The following METTL25 variants were observed in gnomAD, a reference collection of about 807,000 sequenced individuals.
METTL25 encodes the protein probable methyltransferase-like protein 25.
A neutral mutation model predicts 71.6 loss-of-function variants in METTL25; 64 were observed. The observed-to-expected ratio is 0.89, with a 90% CI of 0.73 to 1.10. METTL25 has a LOEUF of 1.10. METTL25 is among the 50% of genes least tolerant of loss of function. METTL25 has a pLI of 0.00. For synonymous variants in METTL25, 287 were observed against 250.3 expected (o/e 1.15, Z -1.38); for missense variants, 807 against 707.0 (o/e 1.14, Z -1.60).
chr12:82,409,824 A>C (rs546642650), intron 5 of METTL25, among the ~76,000 whole-genome samples: 1 of 152,236 alleles, frequency 6.6e-6, no homozygotes, highest in East Asian at 1.9e-4. Flanking sequence ...TTTACTTAAA[A>C]AAAATAAAAA....
At position 82,358,771 on chromosome 12, in the gene METTL25, C is replaced by T. The variant is rs1379692002; in HGVS notation, c.206C>T (p.Thr69Met). The T allele has an allele frequency of 6.2e-7, 1 of 1,613,212 alleles. No individual in the cohort carries two copies. Among genetic ancestry groups the T allele is most frequent in the East Asian group, 2.2e-5 (1 of 44,848 alleles). Residue 69 changes from threonine to methionine, a missense_variant, in exon 1 of 12, where the codon ACG becomes ATG. Physicochemically the swap from Thr to Met is moderately conservative, Grantham distance 81 (BLOSUM62 -1). Coordinates refer to ENST00000248306, the MANE Select transcript of METTL25 (RefSeq NM_032230.3). Reference protein sequence around the residue: ...LAALRKSASETEALPSETRPL... With the variant: ...LAALRKSASEMEALPSETRPL... ...GCGCTGAGGAAGTCAGCGTCGGAGA[C>T]GGAGGCCCTGCCCTCAGAGACGCGC...
At chr12:82,454,626 A>G (rs1891358304) in intron 8 of METTL25, among the ~76,000 whole-genome samples, 1 of 152,008 alleles carries the variant, frequency 6.6e-6, no homozygotes, top group African/African-American at 2.4e-5. Flanking sequence ...CTACAGTAAA[A>G]AGTAGTGTAT....
chr12:82,420,191 G>A (rs1340526091), intron 5 of METTL25, among the ~76,000 whole-genome samples: 1 of 152,104 alleles, frequency 6.6e-6, no homozygotes, highest in East Asian at 1.9e-4. Flanking sequence ...CTGGGTGGGA[G>A]AGAAATAGGG....
chr12:82,398,424 C>A (rs373995044), intron 3 of METTL25, among the ~76,000 whole-genome samples: 1 of 151,764 alleles, frequency 6.6e-6, no homozygotes, highest in Non-Finnish European at 1.5e-5. Context: ...TCTGATGATT[C>A]GTTGTTAATT....
intron 1 of METTL25, among the ~76,000 whole-genome samples, chr12:82,372,939 C>T (rs149601667): frequency 5.9e-5 from 9 of 152,252 alleles, no homozygotes; most frequent in Non-Finnish European, 7.4e-5. Context: ...CACTCACCGA[C>T]GCAGCAGCAG....
chr12:82,464,973 A>C (rs987766250), intron 9 of METTL25, among the ~76,000 whole-genome samples: 2 of 151,832 alleles, frequency 1.3e-5, no homozygotes, highest in Non-Finnish European at 2.9e-5. Flanking sequence ...ATTTTACTAA[A>C]TATGTTTATT....
At chr12:82,443,165 A>G (rs1340786918) in intron 8 of METTL25, among the ~76,000 whole-genome samples, 1 of 152,134 alleles carries the variant, frequency 6.6e-6, no homozygotes, top group South Asian at 2.1e-4. Context: ...TGACAAAAAG[A>G]TATCAATCTT....
intron 6 of METTL25, among the ~76,000 whole-genome samples, chr12:82,434,256 G>T (rs116213056): frequency 0.012 from 1,855 of 151,252 alleles, 27 homozygotes; most frequent in African/African-American, 0.043. Flanking sequence ...ACTAAAAGAT[G>T]AAATCATATG....
At chr12:82,424,539 AAACTAT>A (rs1012375096) in intron 5 of METTL25, among the ~76,000 whole-genome samples, 2 of 35,522 alleles carry the variant, frequency 5.6e-5, no homozygotes, top group Non-Finnish European at 1.2e-4. Context: ...GTATAATATA[AAACTAT>A]ATATATATAT....
intron 7 of METTL25, among the ~76,000 whole-genome samples, chr12:82,437,163 A>C (rs1326600972): frequency 6.6e-6 from 1 of 151,648 alleles, no homozygotes; most frequent in Admixed American, 6.6e-5. Context: ...AGGAAAGTTA[A>C]GTTTTGAAAT....
intron 9 of METTL25, among the ~76,000 whole-genome samples, chr12:82,471,385 C>A (rs1892560022): frequency 6.6e-6 from 1 of 152,204 alleles, no homozygotes; most frequent in African/African-American, 2.4e-5. Context: ...CTGCCCTATT[C>A]TCTATACCTT....
intron 1 of METTL25, among the ~76,000 whole-genome samples, chr12:82,372,381 C>T (rs1256578049): frequency 6.6e-6 from 1 of 152,006 alleles, no homozygotes; most frequent in Non-Finnish European, 1.5e-5. Context: ...TTAGAGGAGG[C>T]TTATCATTAA....
chr12:82,401,364 T>C (rs1304027511), intron 4 of METTL25, among the ~76,000 whole-genome samples: 1 of 152,058 alleles, frequency 6.6e-6, no homozygotes, highest in African/African-American at 2.4e-5. Context: ...ATTACAATGA[T>C]AAAAAAATGG....
intron 1 of METTL25, among the ~76,000 whole-genome samples, chr12:82,367,424 T>C (rs1346595989): frequency 6.6e-6 from 1 of 152,208 alleles, no homozygotes; most frequent in Non-Finnish European, 1.5e-5. Context: ...TTTATTTTGT[T>C]TACTCCTCAT....
chr12:82,472,020 G>C (rs2137305122), intron 9 of METTL25, among the ~76,000 whole-genome samples: 1 of 152,254 alleles, frequency 6.6e-6, no homozygotes, highest in African/African-American at 2.4e-5. Context: ...CTTATAGATT[G>C]CATTGAGTTT....
intron 8 of METTL25, among the ~76,000 whole-genome samples, chr12:82,444,994 A>G (rs1346077873): frequency 6.6e-6 from 1 of 152,196 alleles, no homozygotes; most frequent in Non-Finnish European, 1.5e-5. Flanking sequence ...TATTAACAGC[A>G]AAGTGTATAA....
chr12:82,386,843 G>C lies in METTL25; in HGVS notation c.300G>C (p.Gln100His). The C allele has an allele frequency of 6.2e-7, 1 of 1,613,380 alleles. No homozygotes were observed. Among genetic ancestry groups the C allele is most frequent in the Non-Finnish European group, 8.5e-7 (1 of 1,179,622 alleles). The change falls in exon 2 of 12, where the codon CAG becomes CAC. Residue 100 changes from glutamine (Q) to histidine (H), a missense_variant. Transcript: ENST00000248306. ...DFPKIFCETS[Q>H]KLVSVEAFAL... ...CCAAAATATTTTGTGAAACTTCTCA[G>C]AAGTTGGTGAGTGTGGAAGCCTTTG...
intron 5 of METTL25, among the ~76,000 whole-genome samples, chr12:82,422,690 C>A (rs1430694535): frequency 1.3e-5 from 2 of 152,216 alleles, no homozygotes; most frequent in African/African-American, 4.8e-5. Flanking sequence ...TAAGCAACTT[C>A]AGCAAAGTCT....
intron 2 of METTL25, 34 bp from the exon 3 acceptor site, chr12:82,389,782 C>T (rs1435650675): frequency 3.2e-6 from 4 of 1,261,236 alleles, no homozygotes; most frequent in Non-Finnish European, 4.6e-6. Flanking sequence ...AATTTTGATT[C>T]TTTAATAGCA....
Sources: gnomAD v4.1 joint callset for allele counts (sites outside exome capture counted in the v4.1 genomes callset) on GRCh38, gnomAD v4.1.1 for gene constraint, MANE v1.5 for transcripts, NCBI Gene and HGNC (gene_info 2026-07-23, HGNC 2026-07-21) for gene names.